The following FRMPD4 variants were observed in gnomAD, a reference collection of about 807,000 sequenced individuals.
The protein encoded by FRMPD4 is FERM and PDZ domain containing 4.
In FRMPD4, 22 loss-of-function variants were observed where a neutral mutation model predicts 94.1. That is an observed-to-expected ratio of 0.23 (90% CI 0.17 to 0.33). The LOEUF is 0.33. FRMPD4 is among the 10% of genes least tolerant of loss of function. The pLI is 1.00. For synonymous variants in FRMPD4, 631 were observed against 548.6 expected, an observed-to-expected ratio of 1.15 and a Z score of -2.10; for missense variants, 1,111 against 1,339.9, an observed-to-expected ratio of 0.83 and a Z score of 2.67.
At chrX:12,012,852 T>A (rs1264388609) in intron 3 of FRMPD4, among the ~76,000 whole-genome samples, 1 of 111,670 alleles carries the variant, frequency 9.0e-6, no homozygotes, top group Non-Finnish European at 1.9e-5. Context: ...TAAGAGACAA[T>A]GAAGGATGGG....
chrX:12,236,469 T>C (rs1336921810), intron 1 of FRMPD4, among the ~76,000 whole-genome samples: 2 of 111,935 alleles, frequency 1.8e-5, no homozygotes, highest in African/African-American at 6.5e-5. Flanking sequence ...GTCCTATTTA[T>C]CTTTGAATCA....
chrX:12,128,132 T>C (rs756926109), intron 3 of FRMPD4, among the ~76,000 whole-genome samples: 27 of 112,918 alleles, frequency 2.4e-4, no homozygotes, highest in Non-Finnish European at 4.7e-4. Context: ...GGTGGCCTTC[T>C]TCTCACAGCT....
intron 1 of FRMPD4, among the ~76,000 whole-genome samples, chrX:12,235,540 A>T (rs1601724827): frequency 8.9e-6 from 1 of 112,231 alleles, no homozygotes; most frequent in Non-Finnish European, 1.9e-5. Flanking sequence ...TGAAAAAGTT[A>T]GTTTGTTTAC....
rs142574395 is a variant in FRMPD4, at chrX:12,159,603, A to G, written c.41+20591A>G. ...CTATATTCTTTTATAGAAGTCTGGC[A>G]GTAGAATATATCTCTTTTATGTTGG... On this transcript the variant is annotated intron_variant, in intron 1 of 16. Coordinates refer to ENST00000675598, the MANE Select transcript of FRMPD4 (RefSeq NM_001368397.1). Among the ~76,000 whole-genome samples the G allele has an allele frequency of 1.1e-4, 12 of 112,300 alleles. No individual in the cohort carries two copies. The East Asian group carries it at 3.1e-3, about 29-fold the overall frequency.
intron 3 of FRMPD4, among the ~76,000 whole-genome samples, chrX:11,957,125 A>G (rs1250279376): frequency 8.9e-6 from 1 of 112,499 alleles, no homozygotes; most frequent in Non-Finnish European, 1.9e-5. Context: ...CTTCCTAGGC[A>G]GAACTTGTTA....
Position 12,332,850 on chromosome X carries a change from C to T in FRMPD4, c.42-165830C>T, listed in dbSNP as rs375095238. ...TCTTAAAGACTTCACTCTTAAAATA[C>T]TGCATCATTAAGCAAGGTGCCCTTG... On this transcript the variant is annotated intron_variant, in intron 1 of 16. Transcript: ENST00000675598. Among the ~76,000 whole-genome samples, 21 of 112,247 alleles carry T rather than the reference C, an allele frequency of 1.9e-4. No homozygotes were observed. The South Asian group carries it at 7.7e-3, about 41-fold the overall frequency.
At chrX:12,109,898 T>C (rs1601944579) in intron 3 of FRMPD4, among the ~76,000 whole-genome samples, 1 of 111,504 alleles carries the variant, frequency 9.0e-6, no homozygotes, top group African/African-American at 3.3e-5. Context: ...AATTGACCAA[T>C]AACAGGCTCT....
chrX:12,379,804 A>T (rs1171245916), intron 1 of FRMPD4, among the ~76,000 whole-genome samples: 1 of 110,896 alleles, frequency 9.0e-6, no homozygotes, highest in African/African-American at 3.3e-5. Context: ...CTCAAAAAGA[A>T]GAGAGATGTT....
At chrX:11,840,572 C>A (rs1238069701) in intron 1 of FRMPD4, among the ~76,000 whole-genome samples, 3 of 109,333 alleles carry the variant, frequency 2.7e-5, no homozygotes, top group Non-Finnish European at 5.7e-5. Flanking sequence ...CCAACTAGAA[C>A]CTGCAGTACA....
intron 1 of FRMPD4, among the ~76,000 whole-genome samples, chrX:12,181,333 GT>G (rs2056355947): frequency 8.9e-6 from 1 of 112,049 alleles, no homozygotes; most frequent in African/African-American, 3.2e-5. Flanking sequence ...CAAAACAACA[GT>G]TGTTTCAAAA....
At chrX:11,922,608 G>T (rs1442538812) in intron 3 of FRMPD4, among the ~76,000 whole-genome samples, 3 of 112,058 alleles carry the variant, frequency 2.7e-5, no homozygotes, top group Non-Finnish European at 3.8e-5. Context: ...ATTTAAACTG[G>T]CAAAGAGCAA....
At chrX:12,192,878 G>A (rs924206693) in intron 1 of FRMPD4, among the ~76,000 whole-genome samples, 1 of 111,817 alleles carries the variant, frequency 8.9e-6, no homozygotes, top group Non-Finnish European at 1.9e-5. Context: ...GTAGGAGAAA[G>A]TCCATGTAGA....
chrX:12,118,730 T>C (rs2147532965), intron 3 of FRMPD4, among the ~76,000 whole-genome samples: 1 of 112,012 alleles, frequency 8.9e-6, no homozygotes, highest in East Asian at 2.8e-4. Context: ...AACTAGCTGA[T>C]GTAAAGAAGA....
chrX:12,697,881 A>C (rs986592009), intron 9 of FRMPD4, among the ~76,000 whole-genome samples: 4 of 112,231 alleles, frequency 3.6e-5, no homozygotes, highest in African/African-American at 1.3e-4. Context: ...TAAAGACCAA[A>C]ATAAAGCAAC....
intron 1 of FRMPD4, among the ~76,000 whole-genome samples, chrX:12,470,460 G>A (rs1163939874): frequency 9.0e-6 from 1 of 111,622 alleles, no homozygotes; most frequent in East Asian, 2.8e-4. Flanking sequence ...CCTTGCATTG[G>A]GAAAACATGA....
At chrX:12,033,879 T>C (rs1439440983) in intron 3 of FRMPD4, among the ~76,000 whole-genome samples, 1 of 111,639 alleles carries the variant, frequency 9.0e-6, no homozygotes, top group East Asian at 2.8e-4. Context: ...GTATTTTTAG[T>C]AGAGACGGGA....
intron 2 of FRMPD4, among the ~76,000 whole-genome samples, chrX:12,565,250 C>T (rs1397859261): frequency 1.8e-5 from 2 of 111,695 alleles, no homozygotes; most frequent in South Asian, 3.8e-4. Flanking sequence ...CTACTCCTCC[C>T]CTCCAGGAGG....
At chrX:12,348,351 C>T (rs932260500) in intron 1 of FRMPD4, among the ~76,000 whole-genome samples, 2 of 99,154 alleles carry the variant, frequency 2.0e-5, no homozygotes, top group Non-Finnish European at 3.9e-5. Flanking sequence ...GAAGCATTCA[C>T]TCACTGTCAT....
chrX:12,132,972 G>A (rs1016270878), intron 3 of FRMPD4, among the ~76,000 whole-genome samples: 1 of 110,311 alleles, frequency 9.1e-6, no homozygotes, highest in Non-Finnish European at 1.9e-5. Context: ...TATTTTAAAG[G>A]TTGGATAAAG....
Sources: allele counts gnomAD v4.1 joint callset (sites outside exome capture counted in the v4.1 genomes callset), GRCh38; gene constraint gnomAD v4.1.1; transcripts MANE v1.5; gene names NCBI Gene and HGNC (gene_info 2026-07-23, HGNC 2026-07-21).